Variants in KCNA5 observed in about 807,000 individuals in gnomAD.
KCNA5 encodes the protein potassium voltage-gated channel subfamily A member 5, also known as cardiac potassium channel.
In KCNA5, 22 loss-of-function variants were observed where a neutral mutation model predicts 26.5. The observed-to-expected ratio is 0.83, with a 90% CI of 0.59 to 1.18. The LOEUF (loss-of-function observed/expected upper bound fraction) is 1.18. Ranked by LOEUF, KCNA5 falls within the 50% of genes most tolerant of loss-of-function variation. The probability of loss-of-function intolerance (pLI) is 0.00; values close to 1 mark genes in which losing one functional copy is unlikely to be tolerated. For missense variants in KCNA5, 916 were observed against 843.2 expected (o/e 1.09, Z -1.07); for synonymous variants, 465 against 372.8 (o/e 1.25, Z -2.85).
Position 5,044,823 on chromosome 12 carries a change from C to CCCCT in KCNA5, c.677_680dup (p.Arg229AlafsTer47), listed in dbSNP as rs1387839123. 6.2e-6 allele frequency: 10 copies of CCCCT among 1,613,934 alleles called. No individual in the cohort carries two copies. Among genetic ancestry groups the CCCCT allele is most frequent in the Non-Finnish European group, 8.5e-6 (10 of 1,180,042 alleles). On this transcript the variant is annotated frameshift_variant, in exon 1 of 1. Transcript: ENST00000252321. LOFTEE classifies it high-confidence loss of function. ...GGGCTTCATTAAAGAAGAGGAGAAG[C>CCCCT]CCCTGCCCCGCAACGAGTTCCAGCG...
In KCNA5 at chr12:5,045,633, G is replaced by A. The variant is rs757749649; in HGVS notation, c.1486G>A (p.Val496Met). 17 of 1,614,110 alleles carry A rather than the reference G, an allele frequency of 1.1e-5. No homozygotes were observed. Among genetic ancestry groups the A allele is most frequent in the Non-Finnish European group, 1.4e-5 (17 of 1,180,042 alleles). Reference sequence around the variant, plus strand: ...GCCCATCACTGTTGGGGGCAAGATCGTGGGCTCGCTGTGTGCCATCGCCGG... The same window carrying A: ...GCCCATCACTGTTGGGGGCAAGATCATGGGCTCGCTGTGTGCCATCGCCGG... ...MRPITVGGKI[V>M]GSLCAIAGVL... The change falls in exon 1 of 1, where the codon GTG (valine) becomes ATG (methionine). Residue 496 changes from valine (V) to methionine (M), a missense_variant. By Grantham distance (21) the Val-to-Met change is conservative. Transcript: ENST00000252321. This position sits in a 1 kb window ranked among gnomAD's most constrained non-coding sequence, Gnocchi z 5.6.
Position 5,046,156 on chromosome 12 carries a change from C to A in KCNA5, c.*167C>A. ...CCTCGATCCCCCCATTTTCTCTATT[C>A]TTTCCATGACACCCAAGGGTCGCCT... On this transcript the variant is annotated 3_prime_UTR_variant, in exon 1 of 1. Coordinates refer to ENST00000252321, the MANE Select transcript of KCNA5 (RefSeq NM_002234.4). 2.3e-6 allele frequency: 2 copies of A among 858,642 alleles called. No homozygotes were observed. The highest frequency in any genetic ancestry group is 1.9e-6 in the Non-Finnish European group (1 of 523,794). The allele number at this position is 858,642 out of a possible 1,614,324, so 53.2% of individuals were successfully genotyped here.
In KCNA5 at chr12:5,045,080, G is replaced by A. The variant is rs760147088; in HGVS notation, c.933G>A (p.Thr311=). Residue 311 remains threonine (T), a synonymous_variant, in exon 1 of 1, where the codon ACG becomes ACA. Coordinates refer to ENST00000252321, the MANE Select transcript of KCNA5 (RefSeq NM_002234.4). This position sits in a 1 kb window ranked among gnomAD's most constrained non-coding sequence, Gnocchi z 5.6. The part of the protein sequence containing the change: ...SGVMAPPSGP[T]VAPLLPRTLA... ...TCATGGCCCCGCCCTCTGGCCCTAC[G>A]GTGGCACCGCTCCTGCCCAGGACCC... 35 of 1,613,068 alleles carry A rather than the reference G, an allele frequency of 2.2e-5. No homozygotes were observed. The highest frequency in any genetic ancestry group is 3.0e-5 in the Non-Finnish European group (35 of 1,179,664).
chr12:5,044,871 T>G lies in KCNA5; in HGVS notation c.724T>G (p.Tyr242Asp). 1 of 1,613,866 alleles carries G rather than the reference T, an allele frequency of 6.2e-7. No homozygotes were observed. The highest frequency in any genetic ancestry group is 8.5e-7 in the Non-Finnish European group (1 of 1,179,970). The change falls in exon 1 of 1, where the codon TAT (tyrosine) becomes GAT (aspartate). Residue 242 changes from tyrosine to aspartate, a missense_variant. Transcript: ENST00000252321. Reference sequence around the variant, plus strand: ...GCGCCAGGTGTGGCTTATCTTCGAGTATCCGGAGAGCTCTGGGTCCGCGCG... The same window carrying G: ...GCGCCAGGTGTGGCTTATCTTCGAGGATCCGGAGAGCTCTGGGTCCGCGCG... ...FQRQVWLIFE[Y>D]PESSGSARAI...
chr12:5,045,611 C>T lies in KCNA5; in HGVS notation c.1464C>T (p.Pro488=). 1 of 1,614,206 alleles carries T rather than the reference C, an allele frequency of 6.2e-7. No individual in the cohort carries two copies. The highest frequency in any genetic ancestry group is 2.2e-5 in the East Asian group (1 of 44,884). Residue 488 remains proline, a synonymous_variant, in exon 1 of 1, where the codon CCC becomes CCT. Coordinates refer to ENST00000252321, the MANE Select transcript of KCNA5 (RefSeq NM_002234.4). The surrounding 1 kb of genome is among the most constrained non-coding windows in gnomAD (Gnocchi z 5.6). ...CTGTGGGCTACGGGGACATGAGGCCCATCACTGTTGGGGGCAAGATCGTGG... is the reference window on the plus strand; with the variant it reads ...CTGTGGGCTACGGGGACATGAGGCCTATCACTGTTGGGGGCAAGATCGTGG... The part of the protein sequence containing the change: ...MTTVGYGDMR[P]ITVGGKIVGS...
At position 5,045,775 on chromosome 12, in the gene KCNA5, G is replaced by A. The variant is rs777029358; in HGVS notation, c.1628G>A (p.Ser543Asn). 6.2e-7 allele frequency: 1 copy of A among 1,614,180 alleles called. No homozygotes were observed. The highest frequency in any genetic ancestry group is 1.1e-5 in the South Asian group (1 of 91,080). Residue 543 changes from serine to asparagine, a missense_variant, in exon 1 of 1, where the codon AGC becomes AAC. Transcript: ENST00000252321. The surrounding 1 kb of genome is among the most constrained non-coding windows in gnomAD (Gnocchi z 5.6). Reference protein sequence around the residue: ...AVLKEEQGTQSQGPGLDRGVQ... With the variant: ...AVLKEEQGTQNQGPGLDRGVQ... ...CTTAAGGAAGAGCAGGGCACTCAGA[G>A]CCAGGGGCCGGGGCTGGACAGAGGA...
rs564798632 is a variant in KCNA5, at chr12:5,045,051, G to C, written c.904G>C (p.Gly302Arg). ...PAPAPGANGSGVMAPPSGPTV... is the reference protein window; with the variant it reads ...PAPAPGANGSRVMAPPSGPTV... ...GCCCGCCCCTGGGGCCAACGGCAGC[G>C]GGGTCATGGCCCCGCCCTCTGGCCC... The change falls in exon 1 of 1, where the codon GGG becomes CGG. Residue 302 changes from glycine (G) to arginine (R), a missense_variant. Gly to Arg is a moderately radical substitution (Grantham distance 125). Transcript: ENST00000252321. The surrounding 1 kb of genome is among the most constrained non-coding windows in gnomAD (Gnocchi z 5.6). 1.7e-5 allele frequency: 27 copies of C among 1,612,326 alleles called. No individual in the cohort carries two copies. Among genetic ancestry groups the C allele is most frequent in the South Asian group, 1.1e-4 (10 of 90,984 alleles).
rs1302873255 is a variant in KCNA5, at chr12:5,046,331, T to A, written c.*342T>A. 20 of 348,870 alleles carry A rather than the reference T, an allele frequency of 5.7e-5. No homozygotes were observed. In the Admixed American group the frequency reaches 8.2e-4, roughly 14 times the overall value. 21.6% of individuals were successfully genotyped at this position (348,870 alleles called of 1,614,324 possible). ...AAATAGCCCAGATCCCAAGAGATTA[T>A]GTAACTCCTCCATCCATGTGTTCCA... On this transcript the variant is annotated 3_prime_UTR_variant, in exon 1 of 1. Coordinates refer to ENST00000252321, the MANE Select transcript of KCNA5 (RefSeq NM_002234.4).
At position 5,045,660 on chromosome 12, in the gene KCNA5, G is replaced by T; in HGVS notation, c.1513G>T (p.Val505Phe). ...IVGSLCAIAG[V>F]LTIALPVPVI... ...GGGCTCGCTGTGTGCCATCGCCGGG[G>T]TCCTCACCATTGCCCTGCCTGTGCC... Residue 505 changes from valine (V) to phenylalanine (F), a missense_variant, in exon 1 of 1, where the codon GTC becomes TTC. Coordinates refer to ENST00000252321, the MANE Select transcript of KCNA5 (RefSeq NM_002234.4). This position sits in a 1 kb window ranked among gnomAD's most constrained non-coding sequence, Gnocchi z 5.6. 1.2e-6 allele frequency: 2 copies of T among 1,614,188 alleles called. No individual in the cohort carries two copies.
In KCNA5 at chr12:5,044,759, G is replaced by C. The variant is rs758189575; in HGVS notation, c.612G>C (p.Gln204His). The change falls in exon 1 of 1, where the codon CAG becomes CAC. Residue 204 changes from glutamine to histidine, a missense_variant. Transcript: ENST00000252321. Reference protein sequence around the residue: ...DVFADEIRFYQLGDEAMERFR... With the variant: ...DVFADEIRFYHLGDEAMERFR... ...TCGCGGACGAGATACGCTTCTACCA[G>C]CTGGGGGACGAGGCCATGGAGCGCT... 2 of 1,614,162 alleles carry C rather than the reference G, an allele frequency of 1.2e-6. No individual in the cohort carries two copies. Among genetic ancestry groups the C allele is most frequent in the Non-Finnish European group, 1.7e-6 (2 of 1,180,024 alleles).
chr12:5,044,311 G>A lies in KCNA5; in HGVS notation c.164G>A (p.Gly55Asp), dbSNP rs1862743803. The change falls in exon 1 of 1, where the codon GGC (glycine) becomes GAC (aspartate). Residue 55 changes from glycine to aspartate, a missense_variant. By Grantham distance (94) the Gly-to-Asp change is moderately conservative. Transcript: ENST00000252321. ...GPKEPAPKGR[G>D]AQRDADSGVR... ...AAGGAGCCGGCGCCAAAGGGGCGCG[G>A]CGCGCAGAGAGACGCGGACTCGGGA... The A allele has an allele frequency of 1.3e-6, 2 of 1,549,858 alleles. No individual in the cohort carries two copies. The highest frequency in any genetic ancestry group is 2.7e-5 in the African/African-American group (2 of 73,922).
In KCNA5 at chr12:5,045,972, C is replaced by G. The variant is rs148654735; in HGVS notation, c.1825C>G (p.Arg609Gly). 1.2e-6 allele frequency: 2 copies of G among 1,613,348 alleles called. No individual in the cohort carries two copies. The highest frequency in any genetic ancestry group is 3.3e-5 in the Admixed American group (2 of 60,030). Reference protein sequence around the residue: ...SLYALCLDTSRETDL With the variant: ...SLYALCLDTSGETDL ...TTATGCCCTCTGCCTGGACACCAGC[C>G]GGGAAACAGATTTGTGAAAGGAGAT... Residue 609 changes from arginine (R) to glycine (G), a missense_variant, in exon 1 of 1, where the codon CGG becomes GGG. Arg to Gly is a moderately radical substitution (Grantham distance 125). Coordinates refer to ENST00000252321, the MANE Select transcript of KCNA5 (RefSeq NM_002234.4). The surrounding 1 kb of genome is among the most constrained non-coding windows in gnomAD (Gnocchi z 5.6).
rs2137773971 is a variant in KCNA5 at position 5,045,843 on chromosome 12, G to A, written c.1696G>A (p.Ala566Thr). The change falls in exon 1 of 1, where the codon GCT becomes ACT. Residue 566 changes from alanine (A) to threonine (T), a missense_variant. By Grantham distance (58) the Ala-to-Thr change is moderately conservative. Coordinates refer to ENST00000252321, the MANE Select transcript of KCNA5 (RefSeq NM_002234.4). This position sits in a 1 kb window ranked among gnomAD's most constrained non-coding sequence, Gnocchi z 5.6. ...CGGGAGCAGGGGATCCTTCTGCAAGGCTGGGGGGACCCTGGAGAATGCAGA... is the reference window on the plus strand; with the variant it reads ...CGGGAGCAGGGGATCCTTCTGCAAGACTGGGGGGACCCTGGAGAATGCAGA... ...VSGSRGSFCKAGGTLENADSA... is the reference protein window; with the variant it reads ...VSGSRGSFCKTGGTLENADSA... 1 of 1,614,164 alleles carries A rather than the reference G, an allele frequency of 6.2e-7. No homozygotes were observed.
Position 5,046,535 on chromosome 12 carries a change from T to G in KCNA5, c.*546T>G, listed in dbSNP as rs978768131. 2.1e-5 allele frequency: 4 copies of G among 187,840 alleles called. No individual in the cohort carries two copies. In the South Asian group the frequency reaches 5.5e-4, roughly 26 times the overall value. 11.6% of individuals were successfully genotyped at this position (187,840 alleles called of 1,614,324 possible). On this transcript the variant is annotated 3_prime_UTR_variant, in exon 1 of 1. Transcript: ENST00000252321. ...TTTTTCTGTGTTACTTATATTAGAG[T>G]CAGAGATCTTGGTATGGGCTGTTCT...
In KCNA5 at chr12:5,044,914, C is replaced by T. The variant is rs1179534356; in HGVS notation, c.767C>T (p.Ser256Leu). ...SGSARAIAIV[S>L]VLVILISIIT... ...TCCGCGCGGGCCATCGCCATCGTCT[C>T]GGTCTTGGTTATCCTCATCTCCATC... is the stretch of plus-strand genomic sequence containing the variant. The change falls in exon 1 of 1, where the codon TCG becomes TTG. Residue 256 changes from serine to leucine, a missense_variant. Transcript: ENST00000252321. 1.2e-6 allele frequency: 2 copies of T among 1,613,838 alleles called. No homozygotes were observed. Among genetic ancestry groups the T allele is most frequent in the Non-Finnish European group, 1.7e-6 (2 of 1,179,990 alleles).
Position 5,044,324 on chromosome 12 carries a change from C to T in KCNA5, c.177C>T (p.Asp59=). 6.4e-7 allele frequency: 1 copy of T among 1,551,048 alleles called. No homozygotes were observed. The highest frequency in any genetic ancestry group is 8.7e-7 in the Non-Finnish European group (1 of 1,154,488). Residue 59 remains aspartate, a synonymous_variant, in exon 1 of 1, where the codon GAC becomes GAT. Transcript: ENST00000252321. ...PAPKGRGAQR[D]ADSGVRPLPP... ...CAAAGGGGCGCGGCGCGCAGAGAGACGCGGACTCGGGAGTGCGGCCCTTGC... is the reference window on the plus strand; with the variant it reads ...CAAAGGGGCGCGGCGCGCAGAGAGATGCGGACTCGGGAGTGCGGCCCTTGC...
At position 5,045,290 on chromosome 12, in the gene KCNA5, A is replaced by AG. The variant is rs1862763424; in HGVS notation, c.1148dup (p.Gly384TrpfsTer75). On this transcript the variant is annotated frameshift_variant, in exon 1 of 1. Coordinates refer to ENST00000252321, the MANE Select transcript of KCNA5 (RefSeq NM_002234.4). LOFTEE classifies it high-confidence loss of function. This position sits in a 1 kb window ranked among gnomAD's most constrained non-coding sequence, Gnocchi z 5.6. ...GCACCGAACTGGCAGAGCAGCAGCC[A>AG]GGGGGTGGAGGAGGCGGCCAGAATG... 6.2e-7 allele frequency: 1 copy of AG among 1,614,042 alleles called. No individual in the cohort carries two copies. The highest frequency in any genetic ancestry group is 1.7e-5 in the Admixed American group (1 of 60,010).
chr12:5,046,385 G>T lies in KCNA5; in HGVS notation c.*396G>T. On this transcript the variant is annotated 3_prime_UTR_variant, in exon 1 of 1. Coordinates refer to ENST00000252321, the MANE Select transcript of KCNA5 (RefSeq NM_002234.4). ...TTGCTTTACATATGATTGTATTTGT[G>T]TATAGGGGAAAATATTATTTTTATG... 1 of 252,166 alleles carries T rather than the reference G, an allele frequency of 4.0e-6. No individual in the cohort carries two copies. 15.6% of individuals were successfully genotyped at this position (252,166 alleles called of 1,614,324 possible). A position where few individuals can be genotyped will look rare whatever the true frequency, so the allele number is the denominator to read the frequency against.
In KCNA5 at chr12:5,045,191, C is replaced by A; in HGVS notation, c.1044C>A (p.Ser348Arg). 6.2e-7 allele frequency: 1 copy of A among 1,614,180 alleles called. No individual in the cohort carries two copies. The highest frequency in any genetic ancestry group is 8.5e-7 in the Non-Finnish European group (1 of 1,180,032). The change falls in exon 1 of 1, where the codon AGC (serine) becomes AGA (arginine). Residue 348 changes from serine to arginine, a missense_variant. Ser to Arg is a moderately radical substitution (Grantham distance 110). Transcript: ENST00000252321. The surrounding 1 kb of genome is among the most constrained non-coding windows in gnomAD (Gnocchi z 5.6). ...TCGTGCGCTTCTTCGCCTGCCCCAG[C>A]AAGGCAGGGTTCTCCCGGAACATCA... ...ELLVRFFACPSKAGFSRNIMN... is the reference protein window; with the variant it reads ...ELLVRFFACPRKAGFSRNIMN...
Sources: gnomAD v4.1 joint callset for allele counts on GRCh38, gnomAD v4.1.1 for gene constraint, Gnocchi (gnomAD v3.1) non-coding constraint, MANE v1.5 for transcripts, NCBI Gene and HGNC (gene_info 2026-07-23, HGNC 2026-07-21) for gene names.